Variants in IMMP2L observed in about 807,000 individuals in gnomAD.
The protein encoded by IMMP2L is mitochondrial inner membrane protease subunit 2.
In IMMP2L, 18 loss-of-function variants were observed where a neutral mutation model predicts 19.3. The observed-to-expected ratio is 0.93, with a 90% CI of 0.64 to 1.38. The LOEUF is 1.38. Ranked by LOEUF, IMMP2L falls within the 40% of genes most tolerant of loss-of-function variation. The pLI is 0.00. For synonymous variants in IMMP2L, 76 were observed against 73.0 expected (o/e 1.04, Z -0.21); for missense variants, 233 against 218.2 (o/e 1.07, Z -0.43).
intron 4 of IMMP2L, among the ~76,000 whole-genome samples, chr7:110,889,680 T>C (rs774597439): frequency 2.0e-5 from 3 of 152,190 alleles, no homozygotes; most frequent in Non-Finnish European, 4.4e-5. Flanking sequence ...AGGTTAGTAG[T>C]TGGATGAAAA....
chr7:111,055,585 C>T (rs1418622720), intron 3 of IMMP2L, among the ~76,000 whole-genome samples: 1 of 152,206 alleles, frequency 6.6e-6, no homozygotes, highest in Non-Finnish European at 1.5e-5. Context: ...TTTTCTTTGA[C>T]CCCTGTCTGT....
At chr7:111,409,213 C>T (rs993106328) in intron 3 of IMMP2L, among the ~76,000 whole-genome samples, 5 of 151,244 alleles carry the variant, frequency 3.3e-5, no homozygotes, top group African/African-American at 9.8e-5. Context: ...TTGAAGAAAC[C>T]ATTTCATAAT....
intron 3 of IMMP2L, among the ~76,000 whole-genome samples, chr7:111,105,296 A>G (rs1798421755): frequency 6.6e-6 from 1 of 151,930 alleles, no homozygotes; most frequent in Non-Finnish European, 1.5e-5. Flanking sequence ...TATGAATCTG[A>G]CATCTAGTTA....
At chr7:111,522,717 G>T (rs1312434517) in intron 1 of IMMP2L, among the ~76,000 whole-genome samples, 2 of 151,942 alleles carry the variant, frequency 1.3e-5, no homozygotes, top group Non-Finnish European at 2.9e-5. Context: ...TTACAGAAAA[G>T]AGTATGGAGG....
intron 2 of IMMP2L, among the ~76,000 whole-genome samples, chr7:111,518,361 C>T (rs1000474965): frequency 1.3e-5 from 2 of 152,036 alleles, no homozygotes; most frequent in Non-Finnish European, 2.9e-5. Flanking sequence ...TAGTATTACA[C>T]CTCCCTTTAA....
intron 3 of IMMP2L, among the ~76,000 whole-genome samples, chr7:111,165,986 G>C (rs754654103): frequency 1.4e-4 from 22 of 152,034 alleles, no homozygotes; most frequent in Non-Finnish European, 2.4e-4. Flanking sequence ...TCCTCAAAGA[G>C]AGCTCAATAA....
At chr7:111,036,022 C>T (rs568207275) in intron 3 of IMMP2L, among the ~76,000 whole-genome samples, 1 of 152,244 alleles carries the variant, frequency 6.6e-6, no homozygotes, top group African/African-American at 2.4e-5. Context: ...CAGAGCCTAG[C>T]ACATAGGAAG....
chr7:110,806,184 C>G (rs1801620251), intron 5 of IMMP2L, among the ~76,000 whole-genome samples: 1 of 152,058 alleles, frequency 6.6e-6, no homozygotes, highest in Admixed American at 6.6e-5. Flanking sequence ...CTATTTATTG[C>G]ATGTATTTAA....
rs1313361069 is a variant in IMMP2L, at chr7:110,992,045, T to C, written c.240-28480A>G. On this transcript the variant is annotated intron_variant, in intron 3 of 5. Coordinates refer to ENST00000405709, the MANE Select transcript of IMMP2L (RefSeq NM_032549.4). ...TGTACCTGACAGTTGTATTTTTATT[T>C]AAACCTTGACCGTATTTCATGTTTT... is the stretch of plus-strand genomic sequence containing the variant. 1.2e-4 allele frequency among the ~76,000 whole-genome samples: 18 copies of C among 152,180 alleles called. No homozygotes were observed. The East Asian group carries it at 3.5e-3, about 29-fold the overall frequency.
At chr7:111,006,945 C>CT (rs1256916468) in intron 3 of IMMP2L, among the ~76,000 whole-genome samples, 1 of 152,110 alleles carries the variant, frequency 6.6e-6, no homozygotes, top group East Asian at 1.9e-4. Flanking sequence ...GAGAGCATTT[C>CT]TATCATATTT....
chr7:111,012,271 T>C (rs900581836), intron 3 of IMMP2L, among the ~76,000 whole-genome samples: 1 of 152,166 alleles, frequency 6.6e-6, no homozygotes, highest in Non-Finnish European at 1.5e-5. Flanking sequence ...ATTTCCATTA[T>C]CATTTTGAAT....
chr7:110,852,612 T>C (rs1227913687), intron 5 of IMMP2L, among the ~76,000 whole-genome samples: 3 of 152,070 alleles, frequency 2.0e-5, no homozygotes, highest in Non-Finnish European at 1.5e-5. Context: ...CAGGTTTTTA[T>C]CTTTACTACC....
intron 3 of IMMP2L, among the ~76,000 whole-genome samples, chr7:110,990,023 A>G (rs969712796): frequency 3.3e-5 from 5 of 152,166 alleles, no homozygotes; most frequent in African/African-American, 9.6e-5. Context: ...GATTTGCTCA[A>G]TAAAAGCCCA....
At chr7:111,299,206 G>C (rs1462349238) in intron 3 of IMMP2L, among the ~76,000 whole-genome samples, 1 of 152,124 alleles carries the variant, frequency 6.6e-6, no homozygotes, top group Non-Finnish European at 1.5e-5. Flanking sequence ...AAATACATTT[G>C]AGAAAGAGTT....
intron 3 of IMMP2L, among the ~76,000 whole-genome samples, chr7:111,032,167 C>T (rs529076590): frequency 6.6e-6 from 1 of 152,234 alleles, no homozygotes; most frequent in African/African-American, 2.4e-5. Flanking sequence ...TCTCAAACTT[C>T]TGGGCTTAAG....
At chr7:111,433,470 C>T (rs1042130995) in intron 3 of IMMP2L, among the ~76,000 whole-genome samples, 4 of 151,694 alleles carry the variant, frequency 2.6e-5, no homozygotes, top group Non-Finnish European at 5.9e-5. Flanking sequence ...AGCAGAAACC[C>T]CTTATCAAAC....
At chr7:111,022,197 T>C (rs1365269555) in intron 3 of IMMP2L, among the ~76,000 whole-genome samples, 3 of 152,192 alleles carry the variant, frequency 2.0e-5, no homozygotes, top group Admixed American at 2.0e-4. Flanking sequence ...AATCTCATAT[T>C]TCCTGCCTAA....
chr7:111,249,942 A>T (rs969242977), intron 3 of IMMP2L, among the ~76,000 whole-genome samples: 1 of 152,206 alleles, frequency 6.6e-6, no homozygotes, highest in African/African-American at 2.4e-5. Flanking sequence ...AGGATATTCA[A>T]ACAGGAAGAG....
At chr7:111,361,959 C>T (rs563178612) in intron 3 of IMMP2L, among the ~76,000 whole-genome samples, 29 of 152,084 alleles carry the variant, frequency 1.9e-4, no homozygotes, top group African/African-American at 7.0e-4. Flanking sequence ...TAAAAATACA[C>T]AACATACATT....
Sources: allele counts gnomAD v4.1 joint callset (sites outside exome capture counted in the v4.1 genomes callset), GRCh38; gene constraint gnomAD v4.1.1; transcripts MANE v1.5; gene names NCBI Gene and HGNC (gene_info 2026-07-23, HGNC 2026-07-21).